Variants in GLB1 observed in about 807,000 individuals in gnomAD.
GLB1 encodes galactosidase beta 1, also known as beta-galactosidase.
A neutral mutation model predicts 74.0 loss-of-function variants in GLB1; 56 were observed. The ratio of observed to expected loss-of-function variants is 0.76; its 90% CI spans 0.61 to 0.94. The LOEUF is 0.94. Ranked by LOEUF, GLB1 falls within the 40% of genes least tolerant of loss-of-function variation. The pLI is 0.00. For synonymous variants in GLB1, 323 were observed against 323.6 expected (o/e 1.00, Z 0.02); for missense variants, 787 against 845.5 (o/e 0.93, Z 0.86).
chr3:33,037,910 G>A (rs568847404), intron 10 of GLB1: 2 of 151,818 alleles, frequency 1.3e-5, no homozygotes, highest in Non-Finnish European at 2.9e-5. Flanking sequence ...GTGGAAGGAG[G>A]GTACCTTGCC....
chr3:33,064,332 TG>T (rs1699575475), intron 5 of GLB1, among the ~76,000 whole-genome samples: 1 of 149,770 alleles, frequency 6.7e-6, no homozygotes, highest in South Asian at 2.1e-4. Flanking sequence ...GCCAGCTACT[TG>T]GGAGGCTGAC....
At chr3:32,972,299 A>G in the GLB1 span, among the ~76,000 whole-genome samples, 1 of 152,212 alleles carries the variant, frequency 6.6e-6, no homozygotes, top group Admixed American at 6.5e-5. Flanking sequence ...GCTTTAGATT[A>G]CCTCTTAGCC....
chr3:32,996,753 CA>C lies in GLB1; in HGVS notation c.*291del, dbSNP rs2125442362. The C allele has an allele frequency of 2.4e-6, 1 of 417,260 alleles. No individual in the cohort carries two copies. The highest frequency in any genetic ancestry group is 4.4e-6 in the Non-Finnish European group (1 of 226,874). 25.8% of individuals were successfully genotyped at this position (417,260 alleles called of 1,614,324 possible). On this transcript the variant is annotated 3_prime_UTR_variant, in exon 16 of 16. Coordinates refer to ENST00000307363, the MANE Select transcript of GLB1 (RefSeq NM_000404.4). The stretch of plus-strand genomic sequence containing the variant: ...TCATTTGAGTACAAATTTTATTTAA[CA>C]AAAAGGTAACATGATTCTTCCAAAA...
intron 15 of GLB1, among the ~76,000 whole-genome samples, chr3:33,001,604 T>C (rs919548384): frequency 3.3e-5 from 5 of 152,334 alleles, no homozygotes; most frequent in African/African-American, 9.6e-5. Flanking sequence ...GATGACTAGT[T>C]TATGAGCTAT....
intron 15 of GLB1, among the ~76,000 whole-genome samples, chr3:33,009,149 AT>A (rs371478455): frequency 0.066 from 9,917 of 151,278 alleles, 467 homozygotes; most frequent in East Asian, 0.22. Context: ...AAATAAATAA[AT>A]AAATAAAAAA....
intron 10 of GLB1, among the ~76,000 whole-genome samples, chr3:33,042,794 G>GT (rs1698560577): frequency 6.6e-6 from 1 of 152,170 alleles, no homozygotes; most frequent in Non-Finnish European, 1.5e-5. Context: ...TCTTGTCCAG[G>GT]CGGAGATATG....
chr3:33,080,522 G>A (rs1700286798), intron 1 of GLB1, among the ~76,000 whole-genome samples: 1 of 152,240 alleles, frequency 6.6e-6, no homozygotes, highest in Non-Finnish European at 1.5e-5. Flanking sequence ...CTGGGGGAAT[G>A]GGTTCAGCCC....
chr3:33,069,322 C>T (rs1311780419), intron 2 of GLB1, among the ~76,000 whole-genome samples: 2 of 152,108 alleles, frequency 1.3e-5, no homozygotes, highest in African/African-American at 4.8e-5. Flanking sequence ...GAGGTTGAAG[C>T]TGCAGTGAGC....
At chr3:33,080,936 G>C (rs973534803) in intron 1 of GLB1, among the ~76,000 whole-genome samples, 56 of 152,314 alleles carry the variant, frequency 3.7e-4, no homozygotes, top group African/African-American at 1.3e-3. Flanking sequence ...GGTGCTAAGT[G>C]GGGTGGTAAC....
intron 1 of GLB1, among the ~76,000 whole-genome samples, chr3:33,082,117 T>C (rs1049561440): frequency 6.6e-6 from 1 of 152,218 alleles, no homozygotes; most frequent in Non-Finnish European, 1.5e-5. Flanking sequence ...CACCACCTTC[T>C]GAGGACTACT....
intron 10 of GLB1, chr3:33,030,759 C>G (rs1180232286): frequency 2.0e-6 from 2 of 985,290 alleles, no homozygotes. Context: ...TGATTAATTT[C>G]TACAGTGACC....
At chr3:32,973,498 C>T in the GLB1 span, among the ~76,000 whole-genome samples, 5 of 152,210 alleles carry the variant, frequency 3.3e-5, no homozygotes, top group African/African-American at 1.2e-4. Context: ...CATGCTACCA[C>T]ATCCAGCTAA....
intron 5 of GLB1, among the ~76,000 whole-genome samples, chr3:33,064,776 C>CTCAAAA (rs771636389): frequency 1.5e-5 from 1 of 64,538 alleles, no homozygotes; most frequent in Non-Finnish European, 2.7e-5. Context: ...GACTCTCTCT[C>CTCAAAA]AAAAAAAAAA....
intron 1 of GLB1, among the ~76,000 whole-genome samples, chr3:33,095,885 T>C (rs1030455342): frequency 1.3e-5 from 2 of 152,200 alleles, no homozygotes; most frequent in African/African-American, 4.8e-5. Context: ...TCTGTCTACA[T>C]ACTGGGGTAG....
chr3:33,017,013 C>T (rs552306354), intron 13 of GLB1, among the ~76,000 whole-genome samples, 173 bp from the exon 14 acceptor site: 8 of 152,302 alleles, frequency 5.3e-5, no homozygotes, highest in African/African-American at 1.9e-4. Flanking sequence ...TCGGAAAGAT[C>T]CCCCAATCAC....
intron 15 of GLB1, among the ~76,000 whole-genome samples, chr3:33,003,092 C>T (rs938034340): frequency 2.6e-5 from 4 of 152,200 alleles, no homozygotes; most frequent in Non-Finnish European, 5.9e-5. Context: ...GCAAATCACA[C>T]TTTTTTGCTT....
intron 1 of GLB1, chr3:33,090,436 C>T: frequency 1.0e-6 from 1 of 985,328 alleles, no homozygotes; most frequent in Non-Finnish European, 1.2e-6. Flanking sequence ...GAAGGAATGG[C>T]AGCAGGATCA....
chr3:33,029,983 T>C (rs1697940374), intron 10 of GLB1: 2 of 149,666 alleles, frequency 1.3e-5, no homozygotes, highest in South Asian at 2.1e-4. Context: ...AAAAGTAATG[T>C]TTAAAAGATT....
intron 10 of GLB1, among the ~76,000 whole-genome samples, chr3:33,025,251 C>A (rs72854770): frequency 1.3e-5 from 2 of 152,244 alleles, no homozygotes; most frequent in South Asian, 4.2e-4. Context: ...GGCCACAAAT[C>A]CTCTTTTTTT....
Sources: gnomAD v4.1 joint callset for allele counts (sites outside exome capture counted in the v4.1 genomes callset) on GRCh38, gnomAD v4.1.1 for gene constraint, MANE v1.5 for transcripts, NCBI Gene and HGNC (gene_info 2026-07-23, HGNC 2026-07-21) for gene names.